Variants in DLGAP2 observed in about 807,000 individuals in gnomAD.
The protein encoded by DLGAP2 is disks large-associated protein 2.
A neutral mutation model predicts 100.3 loss-of-function variants in DLGAP2; 26 were observed. The observed-to-expected ratio is 0.26, with a 90% CI of 0.19 to 0.36. The LOEUF is 0.36. DLGAP2 is among the 10% of genes least tolerant of loss of function. The probability of loss-of-function intolerance (pLI) is 1.00; values close to 1 mark genes in which losing one functional copy is unlikely to be tolerated. For missense variants in DLGAP2, 1,858 were observed against 1,453.2 expected (o/e 1.28, Z -4.53); for synonymous variants, 886 against 630.1 (o/e 1.41, Z -6.08).
intron 1 of DLGAP2, among the ~76,000 whole-genome samples, chr8:884,964 G>A (rs1460669388): frequency 6.6e-6 from 1 of 152,038 alleles, no homozygotes; most frequent in Non-Finnish European, 1.5e-5. Context: ...TTATTTCTGA[G>A]GTCTCTGTTC....
chr8:745,942 C>T (rs971416099), intron 1 of DLGAP2, among the ~76,000 whole-genome samples: 1 of 152,214 alleles, frequency 6.6e-6, no homozygotes, highest in Non-Finnish European at 1.5e-5. Flanking sequence ...TCTCACTCAG[C>T]GCCAGGCCAC....
At chr8:1,494,418 G>C (rs375427699) in intron 3 of DLGAP2, among the ~76,000 whole-genome samples, 1 of 152,136 alleles carries the variant, frequency 6.6e-6, no homozygotes, top group Admixed American at 6.5e-5. Context: ...TGGCATTCAC[G>C]GGGCAGGTCT....
intron 3 of DLGAP2, among the ~76,000 whole-genome samples, chr8:1,309,144 T>C (rs1800557127): frequency 6.7e-6 from 1 of 149,976 alleles, no homozygotes; most frequent in South Asian, 2.1e-4. Flanking sequence ...ATTACAAGAG[T>C]CTCCGAAAAG....
intron 2 of DLGAP2, among the ~76,000 whole-genome samples, chr8:941,402 G>A (rs186422650): frequency 6.6e-6 from 1 of 152,214 alleles, no homozygotes; most frequent in African/African-American, 2.4e-5. Flanking sequence ...CTTTTGCTTT[G>A]TCAGCCAAGG....
chr8:1,428,108 TAA>T (rs1267304689), intron 3 of DLGAP2, among the ~76,000 whole-genome samples: 7 of 150,084 alleles, frequency 4.7e-5, no homozygotes, highest in South Asian at 2.1e-4. Context: ...CTAAATAAAA[TAA>T]GAGAAAGAAA....
chr8:1,388,838 G>T (rs35527428), intron 3 of DLGAP2, among the ~76,000 whole-genome samples: 1 of 127,868 alleles, frequency 7.8e-6, no homozygotes, highest in East Asian at 2.6e-4. Flanking sequence ...CGCTGGTTCA[G>T]GTGTCAGGGC....
chr8:1,335,577 C>T (rs1801255313), intron 3 of DLGAP2, among the ~76,000 whole-genome samples: 1 of 152,112 alleles, frequency 6.6e-6, no homozygotes, highest in Admixed American at 6.5e-5. Flanking sequence ...GTTGGTAGGG[C>T]AGGGTGCGGT....
chr8:1,280,691 G>C (rs1166564047), intron 3 of DLGAP2, among the ~76,000 whole-genome samples: 1 of 152,192 alleles, frequency 6.6e-6, no homozygotes, highest in Non-Finnish European at 1.5e-5. Context: ...ATGGAGGGGA[G>C]GTAGGAGAGC....
chr8:1,257,965 A>T (rs551848312), intron 2 of DLGAP2, among the ~76,000 whole-genome samples: 24 of 152,194 alleles, frequency 1.6e-4, no homozygotes, highest in Non-Finnish European at 2.9e-4. Flanking sequence ...CCAAGTCTGA[A>T]TTCTTTCCCA....
chr8:1,053,332 G>A (rs113210250), intron 2 of DLGAP2, among the ~76,000 whole-genome samples: 1 of 152,008 alleles, frequency 6.6e-6, no homozygotes, highest in Non-Finnish European at 1.5e-5. Context: ...TAAAGTTTGG[G>A]GGAACATAGA....
rs909939154 is a variant in DLGAP2, at chr8:1,135,687, C to T, written c.74-123164C>T. ...TGCTTTCCAGGAACTGCAGGTTGGG[C>T]GCTAAGCCTTCGTTTGAAAAAAGCC... is the stretch of plus-strand genomic sequence containing the variant. On this transcript the variant is annotated intron_variant, in intron 2 of 14. Transcript: ENST00000637795. Among the ~76,000 whole-genome samples, 6 of 151,970 alleles carry T rather than the reference C, an allele frequency of 3.9e-5. No homozygotes were observed. In the East Asian group the frequency reaches 5.8e-4, roughly 15 times the overall value.
At chr8:922,528 T>C (rs1322479947) in intron 2 of DLGAP2, among the ~76,000 whole-genome samples, 1 of 152,240 alleles carries the variant, frequency 6.6e-6, no homozygotes, top group Non-Finnish European at 1.5e-5. Flanking sequence ...AAAACTGTTG[T>C]TTGTTGGGTT....
intron 1 of DLGAP2, among the ~76,000 whole-genome samples, chr8:826,997 G>C (rs1796696006): frequency 6.6e-6 from 1 of 152,168 alleles, no homozygotes; most frequent in South Asian, 2.1e-4. Context: ...GGAGATGTTT[G>C]CTGTTTCCCC....
chr8:1,116,643 A>G (rs1428932045), intron 2 of DLGAP2, among the ~76,000 whole-genome samples: 1 of 152,142 alleles, frequency 6.6e-6, no homozygotes, highest in Non-Finnish European at 1.5e-5. Context: ...AAAAAAATAA[A>G]AACAGTTAGC....
chr8:791,060 T>G (rs1822014068), intron 1 of DLGAP2, among the ~76,000 whole-genome samples: 1 of 152,214 alleles, frequency 6.6e-6, no homozygotes, highest in Non-Finnish European at 1.5e-5. Flanking sequence ...CATTTTTGAG[T>G]CATTCTTTGT....
At chr8:1,337,430 T>G (rs1801310689) in intron 3 of DLGAP2, among the ~76,000 whole-genome samples, 2 of 776 alleles carry the variant, frequency 2.6e-3, no homozygotes, top group Non-Finnish European at 3.0e-3. Context: ...ATGATGGTGA[T>G]GGTGATGATG....
chr8:883,694 T>C (rs958941698), intron 1 of DLGAP2, among the ~76,000 whole-genome samples: 40 of 151,654 alleles, frequency 2.6e-4, no homozygotes, highest in African/African-American at 9.7e-4. Context: ...GTTCGTTACG[T>C]AGGTGCGCGT....
At chr8:1,374,745 A>G (rs2129729477) in intron 3 of DLGAP2, among the ~76,000 whole-genome samples, 1 of 152,260 alleles carries the variant, frequency 6.6e-6, no homozygotes, top group East Asian at 1.9e-4. Context: ...TAAAGTGGAG[A>G]CTGGACGGTG....
intron 2 of DLGAP2, among the ~76,000 whole-genome samples, chr8:937,854 A>T (rs1455212782): frequency 6.6e-6 from 1 of 152,166 alleles, no homozygotes; most frequent in Admixed American, 6.5e-5. Context: ...GACGCCTCCA[A>T]GTTCAGTGTC....
Sources: gnomAD v4.1 joint callset for allele counts (sites outside exome capture counted in the v4.1 genomes callset) on GRCh38, gnomAD v4.1.1 for gene constraint, MANE v1.5 for transcripts, NCBI Gene and HGNC (gene_info 2026-07-23, HGNC 2026-07-21) for gene names.